Variants in SPIDR observed in about 807,000 individuals in gnomAD.
The protein encoded by SPIDR is DNA repair-scaffolding protein.
Under a neutral mutation model 104.6 loss-of-function variants are expected in SPIDR, and 93 were observed. The observed-to-expected ratio is 0.89, with a 90% CI of 0.75 to 1.06. The LOEUF (loss-of-function observed/expected upper bound fraction) is 1.06, where lower values mean the gene tolerates loss of function less well. Among genes scored for constraint, SPIDR ranks in the 50% least tolerant of loss-of-function variants. SPIDR has a pLI of 0.00. For missense variants in SPIDR, 1,154 were observed against 1,111.2 expected (o/e 1.04, Z -0.55); for synonymous variants, 431 against 416.9 (o/e 1.03, Z -0.41).
chr8:47,537,825 T>A (rs1392476608), intron 8 of SPIDR, among the ~76,000 whole-genome samples: 2 of 152,214 alleles, frequency 1.3e-5, no homozygotes, highest in Non-Finnish European at 2.9e-5. Context: ...GTATTTCTGC[T>A]TCATTTCTTC....
chr8:47,292,623 C>T (rs900153797), intron 4 of SPIDR, among the ~76,000 whole-genome samples: 1 of 152,066 alleles, frequency 6.6e-6, no homozygotes, highest in Non-Finnish European at 1.5e-5. Flanking sequence ...TTATTGTAGA[C>T]CCAATTTCCT....
chr8:47,536,334 G>A (rs543164012), intron 8 of SPIDR, among the ~76,000 whole-genome samples: 33 of 152,152 alleles, frequency 2.2e-4, no homozygotes, highest in African/African-American at 7.7e-4. Flanking sequence ...TACAATAGCC[G>A]ACTCAATACT....
chr8:47,440,121 C>T (rs1554695336), intron 7 of SPIDR, among the ~76,000 whole-genome samples: 5 of 152,180 alleles, frequency 3.3e-5, no homozygotes, highest in Admixed American at 2.0e-4. Context: ...TTAAATGCAA[C>T]ATGCAGGCCT....
chr8:47,292,376 G>T (rs886242070), intron 4 of SPIDR, among the ~76,000 whole-genome samples: 1 of 152,128 alleles, frequency 6.6e-6, no homozygotes, highest in Non-Finnish European at 1.5e-5. Flanking sequence ...TTTTAAGATT[G>T]TATATAAGCT....
intron 19 of SPIDR, among the ~76,000 whole-genome samples, chr8:47,730,283 T>C (rs893574311): frequency 2.0e-5 from 3 of 152,190 alleles, no homozygotes; most frequent in South Asian, 2.1e-4. Flanking sequence ...TGTGTGAAAT[T>C]TGACCCACAT....
chr8:47,467,640 C>T (rs529246809), intron 8 of SPIDR, among the ~76,000 whole-genome samples: 2 of 151,838 alleles, frequency 1.3e-5, no homozygotes, highest in African/African-American at 2.4e-5. Context: ...ATGCAGAAAA[C>T]GCTCTTGATA....
intron 11 of SPIDR, among the ~76,000 whole-genome samples, chr8:47,690,321 C>A (rs894879506): frequency 6.6e-6 from 1 of 151,926 alleles, no homozygotes; most frequent in African/African-American, 2.4e-5. Flanking sequence ...GTGTAATTTC[C>A]CAATGAAGTA....
intron 8 of SPIDR, chr8:47,512,196 C>A: frequency 2.9e-6 from 1 of 349,114 alleles, no homozygotes. Context: ...ATTTCTAAAG[C>A]ATCCTTGAGT....
At chr8:47,309,410 C>G (rs1355228531) in intron 5 of SPIDR, among the ~76,000 whole-genome samples, 2 of 152,054 alleles carry the variant, frequency 1.3e-5, no homozygotes, top group African/African-American at 4.8e-5. Context: ...CATTTTCGGG[C>G]TTTTATTCTC....
intron 5 of SPIDR, among the ~76,000 whole-genome samples, chr8:47,299,104 T>G (rs2041509602): frequency 2.0e-5 from 3 of 152,214 alleles, no homozygotes; most frequent in Non-Finnish European, 4.4e-5. Flanking sequence ...TGTTCTTCCA[T>G]TTGTTTGTAT....
chr8:47,353,275 A>T (rs1261450191), intron 5 of SPIDR, among the ~76,000 whole-genome samples: 1 of 152,044 alleles, frequency 6.6e-6, no homozygotes, highest in Admixed American at 6.6e-5. Context: ...TTTGCATCTT[A>T]CCCTTGTGGC....
In SPIDR at chr8:47,311,265, A is replaced by T. The variant is rs144041786; in HGVS notation, c.525+17235A>T. On this transcript the variant is annotated intron_variant, in intron 5 of 19. Transcript: ENST00000297423. ...TCATAGAAGTTATTCTTTCTTAAAAAGTGAAAAAGAGATTTCAAAAAATGA... is the reference window on the plus strand; with the variant it reads ...TCATAGAAGTTATTCTTTCTTAAAATGTGAAAAAGAGATTTCAAAAAATGA... Among the ~76,000 whole-genome samples the T allele has an allele frequency of 3.3e-5, 5 of 152,292 alleles. No individual in the cohort carries two copies. The East Asian group carries it at 9.6e-4, about 29-fold the overall frequency.
chr8:47,659,933 A>G (rs2073805614), intron 10 of SPIDR, among the ~76,000 whole-genome samples: 1 of 152,042 alleles, frequency 6.6e-6, no homozygotes, highest in Non-Finnish European at 1.5e-5. Flanking sequence ...CCCATAACTC[A>G]CGTAAACATC....
intron 11 of SPIDR, among the ~76,000 whole-genome samples, chr8:47,692,776 A>C (rs2078853192): frequency 6.6e-6 from 1 of 152,114 alleles, no homozygotes; most frequent in Non-Finnish European, 1.5e-5. Flanking sequence ...TGGCTGAATA[A>C]TATTTCATGA....
intron 8 of SPIDR, among the ~76,000 whole-genome samples, chr8:47,570,194 A>T (rs1011386838): frequency 2.0e-5 from 3 of 152,206 alleles, no homozygotes; most frequent in African/African-American, 7.2e-5. Context: ...AAGCTACAGT[A>T]TTCAAGACAG....
At chr8:47,595,322 T>C (rs1340622296) in intron 8 of SPIDR, among the ~76,000 whole-genome samples, 1 of 152,246 alleles carries the variant, frequency 6.6e-6, no homozygotes, top group Non-Finnish European at 1.5e-5. Context: ...CTCTATTTCC[T>C]GACTCCTTTT....
chr8:47,265,399 G>A (rs1268119879), intron 1 of SPIDR, among the ~76,000 whole-genome samples: 17 of 151,536 alleles, frequency 1.1e-4, no homozygotes, highest in Non-Finnish European at 1.8e-4. Flanking sequence ...CTGTGTTGCC[G>A]AGGCTGGTCT....
intron 5 of SPIDR, among the ~76,000 whole-genome samples, chr8:47,312,567 G>C (rs1425469268): frequency 6.6e-6 from 1 of 152,004 alleles, no homozygotes; most frequent in Admixed American, 6.5e-5. Flanking sequence ...TGATGGGGTT[G>C]TTTGTTTTTT....
At chr8:47,554,037 G>A (rs1230577869) in intron 8 of SPIDR, among the ~76,000 whole-genome samples, 1 of 152,132 alleles carries the variant, frequency 6.6e-6, no homozygotes, top group Non-Finnish European at 1.5e-5. Context: ...ATTTGCCTTG[G>A]TATCATCAGC....
Sources: allele counts gnomAD v4.1 joint callset (sites outside exome capture counted in the v4.1 genomes callset), GRCh38; gene constraint gnomAD v4.1.1; transcripts MANE v1.5; gene names NCBI Gene and HGNC (gene_info 2026-07-23, HGNC 2026-07-21).